The following HDAC9 variants were observed in gnomAD, a reference collection of about 807,000 sequenced individuals.
HDAC9 encodes histone deacetylase 9, also known as MEF-2 interacting transcription repressor (MITR) protein.
HDAC9 carries 41 observed loss-of-function variants against 139.4 expected under a neutral mutation model. That is an observed-to-expected ratio of 0.29 (90% CI 0.23 to 0.38). HDAC9 has a LOEUF of 0.38. HDAC9 is among the 10% of genes least tolerant of loss of function. HDAC9 has a pLI of 1.00. For synonymous variants in HDAC9, 517 were observed against 476.2 expected (o/e 1.09, Z -1.12); for missense variants, 1,147 against 1,297.0 (o/e 0.88, Z 1.78).
At chr7:18,243,366 T>G (rs1794315862) in intron 2 of HDAC9, among the ~76,000 whole-genome samples, 1 of 152,238 alleles carries the variant, frequency 6.6e-6, no homozygotes, top group South Asian at 2.1e-4. Context: ...TGTGTCTTCC[T>G]CTTAGAGTTA....
At chr7:18,664,726 T>C (rs1307133130) in intron 11 of HDAC9, among the ~76,000 whole-genome samples, 1 of 152,114 alleles carries the variant, frequency 6.6e-6, no homozygotes, top group Non-Finnish European at 1.5e-5. Flanking sequence ...TTAACTCCCT[T>C]AACAATCCCC....
At chr7:18,729,947 A>G (rs1010242555) in intron 13 of HDAC9, among the ~76,000 whole-genome samples, 2 of 152,202 alleles carry the variant, frequency 1.3e-5, no homozygotes, top group African/African-American at 4.8e-5. Flanking sequence ...CACTGAAAGT[A>G]AAAATTACAT....
intron 2 of HDAC9, among the ~76,000 whole-genome samples, chr7:18,183,497 A>C (rs923565044): frequency 2.0e-5 from 3 of 152,124 alleles, no homozygotes; most frequent in African/African-American, 4.8e-5. Context: ...TTCAGTTTCA[A>C]ATCCTTGGGG....
rs370169850 is a variant in HDAC9 at position 18,392,290 on chromosome 7, GTCTCTCTCTC to G, written c.-42+101792_-42+101801del. Among the ~76,000 whole-genome samples, 338 of 99,702 alleles carry G rather than the reference GTCTCTCTCTC, an allele frequency of 3.4e-3. 2 individuals carry two copies. The highest frequency in any genetic ancestry group is 0.011 in the African/African-American group (323 of 30,108). The allele number at this position is 99,702 out of a possible 152,430, so 65.4% of individuals were successfully genotyped here. ...TCTCTGTCACTCTCTCTCTCTCTCT[GTCTCTCTCTC>G]TCTCTCTCTCTCTCTCACACACACA... is the stretch of plus-strand genomic sequence containing the variant. On this transcript the variant is annotated intron_variant, in intron 1 of 3. Transcript: ENST00000413509.
chr7:18,507,500 T>G (rs977801525), intron 2 of HDAC9, among the ~76,000 whole-genome samples: 3 of 150,622 alleles, frequency 2.0e-5, no homozygotes, highest in African/African-American at 7.3e-5. Context: ...GCTATTATTA[T>G]TATTATTTTT....
chr7:18,944,192 AGCAT>A (rs372911716), intron 23 of HDAC9, among the ~76,000 whole-genome samples: 1 of 152,174 alleles, frequency 6.6e-6, no homozygotes, highest in African/African-American at 2.4e-5. Flanking sequence ...ATAGTTCATT[AGCAT>A]GGAGAGTCAG....
intron 1 of HDAC9, among the ~76,000 whole-genome samples, chr7:18,154,314 A>G (rs1787008641): frequency 6.6e-6 from 1 of 152,298 alleles, no homozygotes; most frequent in African/African-American, 2.4e-5. Flanking sequence ...AAAGAAAGAA[A>G]AAGAATGAAA....
chr7:18,707,854 AGTGTGT>A lies in HDAC9; in HGVS notation c.1732-19709_1732-19704del, dbSNP rs61496259. Among the ~76,000 whole-genome samples, 883 of 149,656 alleles carry A rather than the reference AGTGTGT, an allele frequency of 5.9e-3. 6 individuals carry two copies. Among genetic ancestry groups the A allele is most frequent in the African/African-American group, 0.021 (850 of 40,848 alleles). On this transcript the variant is annotated intron_variant, in intron 12 of 25. Transcript: ENST00000686413. ...GAAGGGAACACAGGGAGGGGAAAGG[AGTGTGT>A]GTGTGTGTGTGTGTGTATGCACGTG...
intron 6 of HDAC9, among the ~76,000 whole-genome samples, chr7:18,613,103 T>A (rs1282363563): frequency 1.4e-5 from 2 of 148,016 alleles, no homozygotes; most frequent in East Asian, 3.9e-4. Context: ...CTTTTATATA[T>A]AAATATATAT....
intron 1 of HDAC9, among the ~76,000 whole-genome samples, chr7:18,339,073 T>A: frequency 6.6e-6 from 1 of 151,684 alleles, no homozygotes; most frequent in African/African-American, 2.4e-5. Flanking sequence ...TCTCTTATTA[T>A]GCTTTGAGTA....
chr7:18,258,458 G>A lies in HDAC9; in HGVS notation c.25+96109G>A, dbSNP rs538730634. 1.1e-4 allele frequency among the ~76,000 whole-genome samples: 16 copies of A among 152,302 alleles called. No individual in the cohort carries two copies. In the South Asian group the frequency reaches 3.3e-3, roughly 32 times the overall value. On this transcript the variant is annotated intron_variant, in intron 2 of 12. Coordinates refer to the HDAC9 transcript ENST00000417496. ...CCAAGCAATGTACACTGTACCCAGT[G>A]TGTAGTCTTTTGTCCCTTACCCCAG...
At chr7:18,647,624 C>A (rs1001300805) in intron 9 of HDAC9, among the ~76,000 whole-genome samples, 161 bp from the exon 10 acceptor site, 2 of 151,978 alleles carry the variant, frequency 1.3e-5, no homozygotes, top group Admixed American at 6.6e-5. Flanking sequence ...CTTTTTTGAA[C>A]TGAGTTAGTT....
At chr7:18,130,243 C>T (rs1313375741) in intron 1 of HDAC9, among the ~76,000 whole-genome samples, 1 of 152,014 alleles carries the variant, frequency 6.6e-6, no homozygotes, top group East Asian at 1.9e-4. Flanking sequence ...GATTTTGGAG[C>T]ATTTTGGATT....
chr7:18,800,585 C>G (rs1793203705), intron 17 of HDAC9, among the ~76,000 whole-genome samples: 1 of 152,246 alleles, frequency 6.6e-6, no homozygotes, highest in South Asian at 2.1e-4. Context: ...GTAATCCCAG[C>G]ACTTAAGGAG....
In HDAC9 at chr7:18,301,188, A is replaced by G. The variant is rs376068812; in HGVS notation, c.-42+10673A>G. 3.9e-5 allele frequency among the ~76,000 whole-genome samples: 6 copies of G among 152,280 alleles called. No individual in the cohort carries two copies. In the East Asian group the frequency reaches 9.6e-4, roughly 24 times the overall value. On this transcript the variant is annotated intron_variant, in intron 1 of 3. Coordinates refer to the HDAC9 transcript ENST00000413509. Reference sequence around the variant, plus strand: ...TTATTTAAAAAATAATATTCCCTCAAGTTAAATTGCTCAATTGAAACTTCT... The same window carrying G: ...TTATTTAAAAAATAATATTCCCTCAGGTTAAATTGCTCAATTGAAACTTCT...
intron 2 of HDAC9, among the ~76,000 whole-genome samples, chr7:18,263,824 C>CA (rs929045653): frequency 2.0e-5 from 3 of 151,910 alleles, no homozygotes; most frequent in African/African-American, 7.3e-5. Flanking sequence ...TCGCCATGTT[C>CA]ACCAGTCTGG....
chr7:18,701,576 G>A (rs918165367), intron 12 of HDAC9, among the ~76,000 whole-genome samples: 1 of 151,988 alleles, frequency 6.6e-6, no homozygotes, highest in Admixed American at 6.6e-5. Flanking sequence ...CCCATATGTT[G>A]CATATTTTTA....
At chr7:18,711,151 T>C (rs1286256562) in intron 12 of HDAC9, among the ~76,000 whole-genome samples, 1 of 152,136 alleles carries the variant, frequency 6.6e-6, no homozygotes, top group African/African-American at 2.4e-5. Context: ...TTATTGAAAA[T>C]TTACAAATTC....
At chr7:18,257,691 G>T (rs1158356401) in intron 2 of HDAC9, among the ~76,000 whole-genome samples, 3 of 152,120 alleles carry the variant, frequency 2.0e-5, no homozygotes, top group Non-Finnish European at 4.4e-5. Flanking sequence ...AATCTTTTCT[G>T]TAGGTTCTCT....
Sources: allele counts gnomAD v4.1 joint callset (sites outside exome capture counted in the v4.1 genomes callset), GRCh38; gene constraint gnomAD v4.1.1; transcripts MANE v1.5; gene names NCBI Gene and HGNC (gene_info 2026-07-23, HGNC 2026-07-21).